The following COG5 variants were observed in gnomAD, a reference collection of about 807,000 sequenced individuals.
COG5 encodes the protein component of oligomeric golgi complex 5.
Under a neutral mutation model 110.4 loss-of-function variants are expected in COG5, and 86 were observed. That is an observed-to-expected ratio of 0.78 (90% CI 0.65 to 0.93). COG5 has a LOEUF of 0.93. Among genes scored for constraint, COG5 ranks in the 40% least tolerant of loss-of-function variants. The pLI is 0.00. For synonymous variants in COG5, 360 were observed against 334.6 expected (o/e 1.08, Z -0.83); for missense variants, 1,077 against 987.0 (o/e 1.09, Z -1.22).
chr7:107,541,260 G>A (rs1360351971), intron 5 of COG5, among the ~76,000 whole-genome samples: 2 of 151,716 alleles, frequency 1.3e-5, no homozygotes, highest in Non-Finnish European at 2.9e-5. Flanking sequence ...ACTTTGGGAG[G>A]CCAATACAGG....
At chr7:107,385,886 G>A (rs201624867) in intron 7 of COG5, among the ~76,000 whole-genome samples, 56 of 148,318 alleles carry the variant, frequency 3.8e-4, no homozygotes, top group Non-Finnish European at 6.5e-4. Flanking sequence ...TTTCCCTTAC[G>A]ATTAATGACA....
At chr7:107,366,327 C>T (rs1813611005) in intron 8 of COG5, among the ~76,000 whole-genome samples, 1 of 152,082 alleles carries the variant, frequency 6.6e-6, no homozygotes, top group Non-Finnish European at 1.5e-5. Context: ...CAGACTTCCA[C>T]ATCCATGACA....
chr7:107,345,608 T>C (rs1251226168), intron 10 of COG5, among the ~76,000 whole-genome samples: 2 of 152,118 alleles, frequency 1.3e-5, no homozygotes, highest in Non-Finnish European at 2.9e-5. Context: ...ATTTCAGTTT[T>C]GTAAGATGAA....
At chr7:107,254,955 C>A (rs745830783) in intron 16 of COG5, among the ~76,000 whole-genome samples, 1 of 152,030 alleles carries the variant, frequency 6.6e-6, no homozygotes, top group African/African-American at 2.4e-5. Context: ...TATTAGAATG[C>A]GTACACAAAA....
chr7:107,488,511 A>C (rs1366292862), intron 6 of COG5, among the ~76,000 whole-genome samples: 1 of 152,164 alleles, frequency 6.6e-6, no homozygotes, highest in East Asian at 1.9e-4. Flanking sequence ...AGTGAAAAAG[A>C]TGAAAACATA....
rs150793883 is a variant in COG5, at chr7:107,320,837, TG to T, written c.1108+3602del. 5.4e-3 allele frequency among the ~76,000 whole-genome samples: 827 copies of T among 152,302 alleles called. 9 individuals are homozygous for T. Among genetic ancestry groups the T allele is most frequent in the African/African-American group, 0.019 (805 of 41,556 alleles). ...ATGCTTAAGAAAAACTTCACACTGA[TG>T]TTTTTGGAAGCTCAGTGAACAGAAA... is the stretch of plus-strand genomic sequence containing the variant. On this transcript the variant is annotated intron_variant, in intron 11 of 21. Transcript: ENST00000297135.
chr7:107,345,055 G>C lies in COG5; in HGVS notation c.1026+16978C>G, dbSNP rs1165342401. Among the ~76,000 whole-genome samples, 6 of 152,236 alleles carry C rather than the reference G, an allele frequency of 3.9e-5. No homozygotes were observed. The East Asian group carries it at 1.2e-3, about 29-fold the overall frequency. On this transcript the variant is annotated intron_variant, in intron 10 of 21. Coordinates refer to ENST00000297135, the MANE Select transcript of COG5 (RefSeq NM_006348.5). ...ACTTGAACACTTAGAGGTCACTGTAGGGTTATTAATTGGCCTAACTTCAAT... is the reference window on the plus strand; with the variant it reads ...ACTTGAACACTTAGAGGTCACTGTACGGTTATTAATTGGCCTAACTTCAAT...
intron 8 of COG5, 42 bp from the exon 9 acceptor site, chr7:107,362,462 C>T: frequency 1.6e-6 from 2 of 1,269,246 alleles, no homozygotes; most frequent in Non-Finnish European, 2.3e-6. Flanking sequence ...TAAAGTTTTC[C>T]AAAGGCAAAT....
intron 6 of COG5, among the ~76,000 whole-genome samples, chr7:107,496,887 A>G (rs139021064): frequency 1.7e-3 from 255 of 152,216 alleles, no homozygotes; most frequent in African/African-American, 5.8e-3. Context: ...CTCAGTTGCG[A>G]AAGACTGAAA....
chr7:107,246,682 C>T (rs796823389), intron 17 of COG5, among the ~76,000 whole-genome samples: 2 of 152,268 alleles, frequency 1.3e-5, no homozygotes, highest in African/African-American at 4.8e-5. Flanking sequence ...TACCATCTCA[C>T]ACCAGTCAGA....
chr7:107,560,151 C>T (rs1584968328), intron 1 of COG5, among the ~76,000 whole-genome samples: 1 of 152,154 alleles, frequency 6.6e-6, no homozygotes, highest in Admixed American at 6.5e-5. Flanking sequence ...AGCCAGTTGA[C>T]CTTTCACACA....
chr7:107,487,019 G>A lies in COG5; in HGVS notation c.538+40218C>T, dbSNP rs866723991. On this transcript the variant is annotated intron_variant, in intron 6 of 21. Transcript: ENST00000297135. ...TCATAAAAATATCCAAGAATATGGA[G>A]GTGAATATTTTTGTAATATTGTGGT... Among the ~76,000 whole-genome samples the A allele has an allele frequency of 3.9e-5, 6 of 152,052 alleles. No homozygotes were observed. In the South Asian group the frequency reaches 1.2e-3, roughly 32 times the overall value.
intron 5 of COG5, among the ~76,000 whole-genome samples, chr7:107,534,154 C>T (rs921417307): frequency 1.8e-4 from 27 of 151,602 alleles, no homozygotes; most frequent in Non-Finnish European, 5.9e-5. Flanking sequence ...CTTACAAGAG[C>T]TCCTGAAGGA....
Position 107,557,968 on chromosome 7 carries a change from A to C in COG5, c.234+8T>G, listed in dbSNP as rs1289275345. On this transcript the variant is annotated splice_region_variant and intron_variant, in intron 2 of 21. Coordinates refer to ENST00000297135, the MANE Select transcript of COG5 (RefSeq NM_006348.5). ...ATAATCCATAGGGACCCAGAAGATC[A>C]GAATTACCTGTAAGTGTAGTTCTCT... is the stretch of plus-strand genomic sequence containing the variant. The C allele has an allele frequency of 1.2e-6, 2 of 1,613,986 alleles. No individual in the cohort carries two copies. Among genetic ancestry groups the C allele is most frequent in the Non-Finnish European group, 1.7e-6 (2 of 1,179,918 alleles).
intron 14 of COG5, among the ~76,000 whole-genome samples, chr7:107,261,631 T>C (rs1803359580): frequency 6.6e-6 from 1 of 152,170 alleles, no homozygotes; most frequent in Non-Finnish European, 1.5e-5. Context: ...AATATTCAAA[T>C]AGATGATCCT....
At chr7:107,557,247 G>A (rs1356935553) in intron 2 of COG5, among the ~76,000 whole-genome samples, 2 of 151,946 alleles carry the variant, frequency 1.3e-5, no homozygotes, top group Admixed American at 6.6e-5. Context: ...TATGTTTCCT[G>A]GTAAACAATC....
intron 14 of COG5, among the ~76,000 whole-genome samples, chr7:107,269,474 CA>C (rs200139122): frequency 0.052 from 4,613 of 88,422 alleles, 103 homozygotes; most frequent in African/African-American, 0.11. Context: ...GACTCCGTCT[CA>C]AAAAAAAAAA....
At chr7:107,530,759 C>T (rs1208657827) in intron 5 of COG5, among the ~76,000 whole-genome samples, 1 of 152,126 alleles carries the variant, frequency 6.6e-6, no homozygotes, top group Admixed American at 6.6e-5. Flanking sequence ...ATAAGTTGAT[C>T]TATAAGGCAT....
intron 14 of COG5, among the ~76,000 whole-genome samples, chr7:107,260,541 G>A (rs1488087199): frequency 2.6e-5 from 4 of 152,016 alleles, no homozygotes; most frequent in Non-Finnish European, 5.9e-5. Context: ...TGAGTTATAC[G>A]ACATGTGAAT....
Sources: allele counts gnomAD v4.1 joint callset (sites outside exome capture counted in the v4.1 genomes callset), GRCh38; gene constraint gnomAD v4.1.1; transcripts MANE v1.5; gene names NCBI Gene and HGNC (gene_info 2026-07-23, HGNC 2026-07-21).